The following CLNK variants were observed in gnomAD, a reference collection of about 807,000 sequenced individuals.
CLNK encodes cytokine dependent hematopoietic cell linker, also known as cytokine-dependent hematopoietic cell linker.
In CLNK, 74 loss-of-function variants were observed where a neutral mutation model predicts 68.6. That is an observed-to-expected ratio of 1.08 (90% confidence interval 0.89 to 1.31). CLNK has a LOEUF of 1.31. CLNK is among the 50% of genes most tolerant of loss of function. The pLI is 0.00. For synonymous variants in CLNK, 198 were observed against 172.2 expected (o/e 1.15, Z -1.17); for missense variants, 553 against 515.3 (o/e 1.07, Z -0.71).
At chr4:10,627,690 C>T (rs1004427148) in intron 2 of CLNK, among the ~76,000 whole-genome samples, 1 of 152,100 alleles carries the variant, frequency 6.6e-6, no homozygotes, top group Admixed American at 6.5e-5. Context: ...TTGCTAACTA[C>T]TCATGTTTTA....
At chr4:10,560,771 C>G (rs894711839) in intron 7 of CLNK, among the ~76,000 whole-genome samples, 1 of 152,174 alleles carries the variant, frequency 6.6e-6, no homozygotes, top group Non-Finnish European at 1.5e-5. Flanking sequence ...ATAGTTTAAT[C>G]TCAACATAAA....
intron 2 of CLNK, among the ~76,000 whole-genome samples, chr4:10,644,651 T>A (rs1050547821): frequency 3.3e-5 from 5 of 152,140 alleles, no homozygotes; most frequent in Non-Finnish European, 7.4e-5. Flanking sequence ...ACAATGTCAG[T>A]AATGAAAATG....
At position 10,649,551 on chromosome 4, in the gene CLNK, T is replaced by C. The variant is rs142122720; in HGVS notation, c.11+18308A>G. 5.5e-3 allele frequency among the ~76,000 whole-genome samples: 832 copies of C among 152,252 alleles called. 6 individuals carry two copies. The highest frequency in any genetic ancestry group is 8.7e-3 in the Non-Finnish European group (594 of 68,008). On this transcript the variant is annotated intron_variant, in intron 2 of 18. Transcript: ENST00000226951. ...AGAAGAGTGACGGAAAGGAGTCTAA[T>C]AGGAGGCCCACCTGTGTGTAAAACT...
At chr4:10,714,431 C>T in the CLNK span, among the ~76,000 whole-genome samples, 1 of 152,082 alleles carries the variant, frequency 6.6e-6, no homozygotes, top group African/African-American at 2.4e-5. Flanking sequence ...GTTTTCCAAA[C>T]CTATTTTCCT....
the CLNK span, chr4:10,696,985 T>C: frequency 6.6e-6 from 1 of 152,208 alleles, no homozygotes; most frequent in Non-Finnish European, 1.5e-5. Flanking sequence ...GTGATTCTTA[T>C]GCACATTATA....
chr4:10,512,908 T>C (rs529743883), intron 16 of CLNK, among the ~76,000 whole-genome samples: 2 of 152,078 alleles, frequency 1.3e-5, no homozygotes, highest in South Asian at 2.1e-4. Flanking sequence ...AATGAGCATA[T>C]TTTAGAAAGA....
At chr4:10,511,952 G>A (rs1717601289) in intron 16 of CLNK, among the ~76,000 whole-genome samples, 2 of 152,148 alleles carry the variant, frequency 1.3e-5, no homozygotes, top group Non-Finnish European at 2.9e-5. Flanking sequence ...GTGATATAAA[G>A]TGAAAACAGG....
intron 2 of CLNK, among the ~76,000 whole-genome samples, chr4:10,665,852 T>C (rs12502030): frequency 0.81 from 122,774 of 152,014 alleles, 50,027 homozygotes; most frequent in Non-Finnish European, 0.87. Flanking sequence ...CCCTACAACA[T>C]ATCCACATCC....
intron 12 of CLNK, 43 bp downstream of exon 12, chr4:10,532,213 C>CA: frequency 6.5e-7 from 1 of 1,538,260 alleles, no homozygotes; most frequent in Non-Finnish European, 9.0e-7. Flanking sequence ...TTTAATGCCT[C>CA]AAAATTCCCT....
rs189608811 is a variant in CLNK at position 10,611,135 on chromosome 4, T to C, written c.12-13086A>G. Among the ~76,000 whole-genome samples the C allele has an allele frequency of 5.7e-4, 87 of 152,222 alleles. 4 individuals carry two copies. In the East Asian group the frequency reaches 0.016, roughly 28 times the overall value. ...GAGATCAAGACCATCCTGCCCAACA[T>C]GGTGAAACCCCGTCTCTACTAAAAA... On this transcript the variant is annotated intron_variant, in intron 2 of 18. Coordinates refer to ENST00000226951, the MANE Select transcript of CLNK (RefSeq NM_052964.4).
the CLNK span, among the ~76,000 whole-genome samples, chr4:10,698,331 A>G: frequency 6.6e-6 from 1 of 152,198 alleles, no homozygotes; most frequent in Non-Finnish European, 1.5e-5. Flanking sequence ...CTCTGAGGGC[A>G]AGGTCCATAC....
At chr4:10,634,239 G>C (rs1722995489) in intron 2 of CLNK, among the ~76,000 whole-genome samples, 1 of 152,178 alleles carries the variant, frequency 6.6e-6, no homozygotes, top group African/African-American at 2.4e-5. Flanking sequence ...TTAAATATTT[G>C]CCCTGAAAAA....
At chr4:10,504,525 T>C (rs1717208255) in intron 17 of CLNK, among the ~76,000 whole-genome samples, 1 of 152,212 alleles carries the variant, frequency 6.6e-6, no homozygotes, top group South Asian at 2.1e-4. Context: ...CCCTAAAGCA[T>C]CACGGTTACT....
intron 12 of CLNK, among the ~76,000 whole-genome samples, chr4:10,529,947 T>C (rs867545517): frequency 1.3e-5 from 2 of 152,210 alleles, no homozygotes; most frequent in African/African-American, 2.4e-5. Flanking sequence ...TCAAGTTAAA[T>C]AGTAGTATCT....
intron 2 of CLNK, among the ~76,000 whole-genome samples, chr4:10,662,582 A>C (rs1379017538): frequency 6.6e-6 from 1 of 152,358 alleles, no homozygotes; most frequent in East Asian, 1.9e-4. Flanking sequence ...AGAAGGGGTG[A>C]GAAACCTTAT....
chr4:10,512,007 C>T (rs1577096979), intron 16 of CLNK, among the ~76,000 whole-genome samples: 1 of 152,096 alleles, frequency 6.6e-6, no homozygotes, highest in Admixed American at 6.6e-5. Context: ...ATTGACAGGA[C>T]ATAGATATGC....
At chr4:10,508,833 T>C (rs117777105) in intron 16 of CLNK, among the ~76,000 whole-genome samples, 27,788 of 149,082 alleles carry the variant, frequency 0.19, 2,834 homozygotes, top group East Asian at 0.36. Flanking sequence ...CTGGGCTGGG[T>C]GTGGTGGCTC....
chr4:10,537,637 CT>C (rs1357506842), intron 11 of CLNK, among the ~76,000 whole-genome samples: 3,033 of 76,038 alleles, frequency 0.04, 423 homozygotes, highest in African/African-American at 0.056. Context: ...TTCTTTCTTT[CT>C]CTTTCTTTCT....
chr4:10,733,504 CT>C, the CLNK span, among the ~76,000 whole-genome samples: 6 of 152,138 alleles, frequency 3.9e-5, no homozygotes, highest in Admixed American at 3.9e-4. Flanking sequence ...AAAATGGGGA[CT>C]TTTTTTCCAA....
Sources: gnomAD v4.1 joint callset for allele counts (sites outside exome capture counted in the v4.1 genomes callset) on GRCh38, gnomAD v4.1.1 for gene constraint, MANE v1.5 for transcripts, NCBI Gene and HGNC (gene_info 2026-07-23, HGNC 2026-07-21) for gene names.